Variants in BMPR1A observed in about 807,000 individuals in gnomAD.
The protein encoded by BMPR1A is bone morphogenetic protein receptor type-1A.
Under a neutral mutation model 66.0 loss-of-function variants are expected in BMPR1A, and 7 were observed. The ratio of observed to expected loss-of-function variants is 0.11; its 90% CI spans 0.06 to 0.20. The LOEUF (loss-of-function observed/expected upper bound fraction) is 0.20, where lower values mean the gene tolerates loss of function less well. BMPR1A is among the 10% of genes least tolerant of loss of function. The pLI is 1.00. For missense variants in BMPR1A, 408 were observed against 669.1 expected, an observed-to-expected ratio of 0.61 and a Z score of 4.31; for synonymous variants, 200 against 229.7, an observed-to-expected ratio of 0.87 and a Z score of 1.17.
At chr10:86,801,133 T>C (rs1377944789) in intron 1 of BMPR1A, among the ~76,000 whole-genome samples, 1 of 152,230 alleles carries the variant, frequency 6.6e-6, no homozygotes. Flanking sequence ...TTAAATTCTT[T>C]AATTTTTGTT....
At chr10:86,782,051 C>T (rs1229441170) in intron 1 of BMPR1A, among the ~76,000 whole-genome samples, 17 of 128 alleles carry the variant, frequency 0.13, no homozygotes, top group African/African-American at 0.24. Context: ...TTGGTAGAGA[C>T]GGGGTTTCAC....
At chr10:86,919,714 T>C (rs1303192936) in intron 10 of BMPR1A, among the ~76,000 whole-genome samples, 1 of 152,032 alleles carries the variant, frequency 6.6e-6, no homozygotes, top group African/African-American at 2.4e-5. Context: ...TTTTTGTTTT[T>C]TGTTTTTTTT....
chr10:86,876,422 A>G (rs1032767494), intron 3 of BMPR1A, among the ~76,000 whole-genome samples: 1 of 152,242 alleles, frequency 6.6e-6, no homozygotes, highest in Non-Finnish European at 1.5e-5. Context: ...TAGGTAGTCC[A>G]GGCTGAGCTT....
At chr10:86,853,628 A>G (rs934000468) in intron 2 of BMPR1A, among the ~76,000 whole-genome samples, 10 of 152,134 alleles carry the variant, frequency 6.6e-5, no homozygotes, top group African/African-American at 2.4e-4. Context: ...AAATAAAGGG[A>G]CAGAGTACAA....
At chr10:86,760,253 T>G (rs1018976595) in intron 1 of BMPR1A, among the ~76,000 whole-genome samples, 1 of 114,002 alleles carries the variant, frequency 8.8e-6, no homozygotes, top group Non-Finnish European at 1.9e-5. Context: ...TCTTTCTTTT[T>G]TTTTTTTTTT....
chr10:86,866,399 C>CTTTTTTTTTTTTTTT lies in BMPR1A; in HGVS notation c.-152-9455_-152-9441dup, dbSNP rs1048293127. ...TGTGTTAAGTTGGGCAAGTTTCTTT[C>CTTTTTTTTTTTTTTT]TTTTTTTTTTTTTTTTTTTTTTTTT... On this transcript the variant is annotated intron_variant, in intron 2 of 12. Coordinates refer to ENST00000372037, the MANE Select transcript of BMPR1A (RefSeq NM_004329.3). Among the ~76,000 whole-genome samples the CTTTTTTTTTTTTTTT allele has an allele frequency of 3.3e-4, 23 of 69,464 alleles. 2 individuals carry two copies. Among genetic ancestry groups the CTTTTTTTTTTTTTTT allele is most frequent in the Non-Finnish European group, 4.6e-4 (16 of 34,692 alleles). The allele number at this position is 69,464 out of a possible 152,430, so 45.6% of individuals were successfully genotyped here. A position where few individuals can be genotyped will look rare whatever the true frequency, so the allele number is the denominator to read the frequency against.
chr10:86,910,090 T>C (rs1208109039), intron 7 of BMPR1A, among the ~76,000 whole-genome samples: 1 of 152,130 alleles, frequency 6.6e-6, no homozygotes, highest in Non-Finnish European at 1.5e-5. Context: ...CCCAGCACTT[T>C]GGGAGGCTGA....
intron 1 of BMPR1A, among the ~76,000 whole-genome samples, chr10:86,811,375 A>G (rs538104187): frequency 1.4e-4 from 22 of 152,198 alleles, no homozygotes; most frequent in Admixed American, 7.2e-4. Context: ...TGTTCAGTTT[A>G]TATTTGTTTT....
Position 86,892,370 on chromosome 10 carries a change from T to C in BMPR1A, c.333+141T>C, listed in dbSNP as rs1016487224. On this transcript the variant is annotated intron_variant, in intron 5 of 12. Coordinates refer to ENST00000372037, the MANE Select transcript of BMPR1A (RefSeq NM_004329.3). ...ATATATTGGAGGAATACCTACTGTC[T>C]AGATTCTGTCCTGTATTCATATGTA... is the stretch of plus-strand genomic sequence containing the variant. The C allele has an allele frequency of 4.5e-6, 3 of 672,876 alleles. No homozygotes were observed. The African/African-American group carries it at 5.4e-5, about 12-fold the overall frequency. The allele number at this position is 672,876 out of a possible 1,614,324, so 41.7% of individuals were successfully genotyped here. A position where few individuals can be genotyped will look rare whatever the true frequency, so the allele number is the denominator to read the frequency against.
Position 86,924,294 on chromosome 10 carries a change from G to C in BMPR1A, c.*575G>C, listed in dbSNP as rs1345647631. On this transcript the variant is annotated 3_prime_UTR_variant, in exon 13 of 13. Transcript: ENST00000372037. ...TCCTCTGCTGCCATTTGAATTAGAA[G>C]AAAATAATTTATATGCATGCACAGG... The C allele has an allele frequency of 4.2e-6, 1 of 239,640 alleles. No individual in the cohort carries two copies. The highest frequency in any genetic ancestry group is 8.3e-6 in the Non-Finnish European group (1 of 121,154). The allele number at this position is 239,640 out of a possible 1,614,324, so 14.8% of individuals were successfully genotyped here.
At chr10:86,785,348 C>T (rs780768422) in intron 1 of BMPR1A, among the ~76,000 whole-genome samples, 13 of 152,148 alleles carry the variant, frequency 8.5e-5, no homozygotes, top group Non-Finnish European at 1.6e-4. Context: ...TCTTGTTGCC[C>T]AGGCTGCAGT....
At chr10:86,856,774 T>C (rs12778494) in intron 2 of BMPR1A, among the ~76,000 whole-genome samples, 9,074 of 152,204 alleles carry the variant, frequency 0.06, 607 homozygotes, top group African/African-American at 0.16. Flanking sequence ...GAGTACAAGT[T>C]AAAAGTTTGG....
chr10:86,794,829 GATATAGAT>G (rs575842677), intron 1 of BMPR1A, among the ~76,000 whole-genome samples: 22 of 150,712 alleles, frequency 1.5e-4, no homozygotes, highest in African/African-American at 4.4e-4. Context: ...TATATCTATA[GATATAGAT>G]ATATAGATAT....
At chr10:86,771,382 T>C (rs181069792) in intron 1 of BMPR1A, among the ~76,000 whole-genome samples, 24 of 152,346 alleles carry the variant, frequency 1.6e-4, no homozygotes, top group East Asian at 5.8e-4. Flanking sequence ...CAATAAAATA[T>C]AAGATTGAGA....
intron 1 of BMPR1A, among the ~76,000 whole-genome samples, chr10:86,816,157 A>G (rs1267948422): frequency 6.6e-6 from 1 of 152,232 alleles, no homozygotes; most frequent in Non-Finnish European, 1.5e-5. Flanking sequence ...ACTAGGCTAC[A>G]TGTGGCCATG....
chr10:86,872,479 T>G (rs1842864845), intron 2 of BMPR1A, among the ~76,000 whole-genome samples: 1 of 152,176 alleles, frequency 6.6e-6, no homozygotes, highest in Non-Finnish European at 1.5e-5. Context: ...AAAGTCTACT[T>G]GCCTGTTTCT....
chr10:86,836,865 G>A (rs1217366909), intron 1 of BMPR1A, among the ~76,000 whole-genome samples: 1 of 152,184 alleles, frequency 6.6e-6, no homozygotes, highest in African/African-American at 2.4e-5. Context: ...CCCAGGAGGT[G>A]GAGGCTGCAG....
intron 8 of BMPR1A, among the ~76,000 whole-genome samples, chr10:86,916,591 G>T (rs1437515495): frequency 6.6e-6 from 1 of 152,270 alleles, no homozygotes; most frequent in Admixed American, 6.5e-5. Context: ...ACCCACGACT[G>T]TGTGCACTGG....
At chr10:86,865,221 A>C (rs1454655830) in intron 2 of BMPR1A, among the ~76,000 whole-genome samples, 1 of 152,192 alleles carries the variant, frequency 6.6e-6, no homozygotes, top group Non-Finnish European at 1.5e-5. Context: ...CCATGCCTTA[A>C]CTGATGACAT....
Sources: allele counts gnomAD v4.1 joint callset (sites outside exome capture counted in the v4.1 genomes callset), GRCh38; gene constraint gnomAD v4.1.1; transcripts MANE v1.5; gene names NCBI Gene and HGNC (gene_info 2026-07-23, HGNC 2026-07-21).